MAP2K5: variants seen among roughly 807,000 people sequenced by gnomAD.
MAP2K5 encodes the protein mitogen-activated protein kinase kinase 5.
MAP2K5 carries 49 observed loss-of-function variants against 83.1 expected under a neutral mutation model. That is an observed-to-expected ratio of 0.59 (90% CI 0.47 to 0.75). The LOEUF is 0.75. Among genes scored for constraint, MAP2K5 ranks in the 30% least tolerant of loss-of-function variants. The pLI, the probability that MAP2K5 is intolerant of heterozygous loss-of-function variation, is 0.00. For missense variants in MAP2K5, 457 were observed against 557.5 expected, an observed-to-expected ratio of 0.82 and a Z score of 1.82; for synonymous variants, 202 against 191.8, an observed-to-expected ratio of 1.05 and a Z score of -0.44.
chr15:67,756,202 A>G (rs1401030864), intron 19 of MAP2K5, among the ~76,000 whole-genome samples: 3 of 152,110 alleles, frequency 2.0e-5, no homozygotes, highest in Admixed American at 2.0e-4. Flanking sequence ...ACTCTAGGAT[A>G]AACCACCTGT....
intron 4 of MAP2K5, 42 bp downstream of exon 4, chr15:67,580,865 A>C: frequency 7.9e-7 from 1 of 1,269,142 alleles, no homozygotes; most frequent in Non-Finnish European, 1.2e-6. Flanking sequence ...TTATTTCAGT[A>C]AACTGTTTCA....
In MAP2K5 at chr15:67,770,908, A is replaced by G. The variant is rs1003942935; in HGVS notation, c.1196+1245A>G. On this transcript the variant is annotated intron_variant, in intron 20 of 21. Transcript: ENST00000178640. This position sits in a 1 kb window ranked among gnomAD's most constrained non-coding sequence, Gnocchi z 5.0. ...AAAAAATTTTATTAACACTGTTTCT[A>G]TTTATTTAAAATACTTATATAATAT... is the stretch of plus-strand genomic sequence containing the variant. Among the ~76,000 whole-genome samples the G allele has an allele frequency of 1.3e-4, 20 of 152,278 alleles. No homozygotes were observed. Among genetic ancestry groups the G allele is most frequent in the African/African-American group, 4.6e-4 (19 of 41,558 alleles).
At chr15:67,658,420 AG>A in intron 11 of MAP2K5, 132 bp from the exon 12 acceptor site, 1 of 652,940 alleles carries the variant, frequency 1.5e-6, no homozygotes, top group Non-Finnish European at 2.7e-6. Context: ...TGGACTAAAA[AG>A]TTTTATACTA....
At chr15:67,627,375 A>G (rs1262247554) in intron 8 of MAP2K5, among the ~76,000 whole-genome samples, 1 of 152,174 alleles carries the variant, frequency 6.6e-6, no homozygotes, top group African/African-American at 2.4e-5. Flanking sequence ...GGTTTTTGTA[A>G]TCTTGCTTTT....
rs966002502 is a variant in MAP2K5 at position 67,802,686 on chromosome 15, G to A, written c.1243-3960G>A. 2.6e-5 allele frequency among the ~76,000 whole-genome samples: 4 copies of A among 152,248 alleles called. No homozygotes were observed. The highest frequency in any genetic ancestry group is 9.6e-5 in the African/African-American group (4 of 41,468). ...GTGCTAACATGCTTTCCGCGTGAAG[G>A]ACGGAGGCCTAGATGCCTGGGGCGG... On this transcript the variant is annotated intron_variant, in intron 21 of 21. Transcript: ENST00000178640. The surrounding 1 kb of genome is among the most constrained non-coding windows in gnomAD (Gnocchi z 5.0).
intron 7 of MAP2K5, among the ~76,000 whole-genome samples, chr15:67,595,590 G>GA (rs1302271917): frequency 3.3e-5 from 5 of 151,932 alleles, no homozygotes; most frequent in Admixed American, 3.3e-4. Context: ...ATCCATAATT[G>GA]AATTCCATTT....
intron 13 of MAP2K5, among the ~76,000 whole-genome samples, chr15:67,681,479 C>A (rs1282448948): frequency 2.0e-5 from 3 of 152,178 alleles, no homozygotes; most frequent in African/African-American, 7.2e-5. Flanking sequence ...CCACAGGAAT[C>A]TATTTTGATG....
At chr15:67,696,035 G>T (rs536589480) in intron 15 of MAP2K5, among the ~76,000 whole-genome samples, 2 of 151,956 alleles carry the variant, frequency 1.3e-5, no homozygotes, top group East Asian at 1.9e-4. Context: ...GGTTGGGGGT[G>T]GGGGGAGGTG....
intron 7 of MAP2K5, 128 bp from the exon 8 acceptor site, chr15:67,600,557 C>A: frequency 1.5e-6 from 1 of 677,724 alleles, no homozygotes; most frequent in Non-Finnish European, 2.6e-6. Flanking sequence ...TTGTATTGAT[C>A]TTCTCGTTTT....
chr15:67,658,564 G>A lies in MAP2K5; in HGVS notation c.748G>A (p.Asp250Asn). 1.2e-6 allele frequency: 2 copies of A among 1,611,996 alleles called. No homozygotes were observed. Among genetic ancestry groups the A allele is most frequent in the East Asian group, 4.5e-5 (2 of 44,814 alleles). The change falls in exon 12 of 22, where the codon GAT becomes AAT. Residue 250 changes from aspartate (D) to asparagine (N), a missense_variant. Physicochemically the swap from Asp to Asn is conservative, Grantham distance 23 (BLOSUM62 1). Coordinates refer to ENST00000178640, the MANE Select transcript of MAP2K5 (RefSeq NM_145160.3). The stretch of plus-strand genomic sequence containing the variant: ...GTTTATCTCTACAGGGGGATCTTTG[G>A]ATGTATATAGGAAAATGCCAGAACA... ...CTEFMDGGSL[D>N]VYRKMPEHVL...
chr15:67,775,670 G>A lies in MAP2K5; in HGVS notation c.1242+2918G>A, dbSNP rs1038694631. On this transcript the variant is annotated intron_variant, in intron 21 of 21. Coordinates refer to ENST00000178640, the MANE Select transcript of MAP2K5 (RefSeq NM_145160.3). The surrounding 1 kb of genome is among the most constrained non-coding windows in gnomAD (Gnocchi z 5.3). Reference sequence around the variant, plus strand: ...GTATAAAAGAACTGCAGGGTTCTGTGGAGATCCATCTGGGGAAATGAGGAA... The same window carrying A: ...GTATAAAAGAACTGCAGGGTTCTGTAGAGATCCATCTGGGGAAATGAGGAA... 6.6e-6 allele frequency among the ~76,000 whole-genome samples: 1 copy of A among 152,206 alleles called. No individual in the cohort carries two copies. The highest frequency in any genetic ancestry group is 1.5e-5 in the Non-Finnish European group (1 of 68,042).
intron 8 of MAP2K5, chr15:67,627,801 G>A (rs773139016): frequency 8.2e-5 from 29 of 352,854 alleles, no homozygotes; most frequent in African/African-American, 5.5e-4. Context: ...CTTTCTGCTC[G>A]TGGACGCCAC....
intron 16 of MAP2K5, among the ~76,000 whole-genome samples, chr15:67,710,535 G>A (rs1333513085): frequency 2.0e-4 from 25 of 124,046 alleles, no homozygotes; most frequent in Admixed American, 1.7e-3. Context: ...ATAGAGTCTC[G>A]CTCTGTCACC....
Position 67,543,340 on chromosome 15 carries a change from T to A in MAP2K5, c.5T>A (p.Leu2Gln), listed in dbSNP as rs1006122408. M[L>Q]WLALGPFPAM... ...TGTGAGCCTCTTTAACCTGTAATGC[T>A]GTGGCTAGCCCTTGGCCCCTTTCCT... Residue 2 changes from leucine to glutamine, a missense_variant, in exon 1 of 22, where the codon CTG (leucine) becomes CAG (glutamine). Leu to Gln is a moderately radical substitution (Grantham distance 113, BLOSUM62 -2). Around this residue, in one of 3 missense-constraint regions of MAP2K5, gnomAD observed 234 missense variants for 243.6 expected, o/e 0.96. Coordinates refer to ENST00000178640, the MANE Select transcript of MAP2K5 (RefSeq NM_145160.3). This position sits in a 1 kb window ranked among gnomAD's most constrained non-coding sequence, Gnocchi z 4.3. 1 of 1,614,092 alleles carries A rather than the reference T, an allele frequency of 6.2e-7. No homozygotes were observed. Among genetic ancestry groups the A allele is most frequent in the African/African-American group, 1.3e-5 (1 of 74,938 alleles).
Position 67,708,926 on chromosome 15 carries a change from T to C in MAP2K5, c.1044+5518T>C, listed in dbSNP as rs111240932. 0.017 allele frequency among the ~76,000 whole-genome samples: 2,619 copies of C among 152,220 alleles called. 89 individuals carry two copies. Among genetic ancestry groups the C allele is most frequent in the African/African-American group, 0.06 (2,501 of 41,536 alleles). On this transcript the variant is annotated intron_variant, in intron 16 of 21. Transcript: ENST00000178640. The surrounding 1 kb of genome is among the most constrained non-coding windows in gnomAD (Gnocchi z 4.9). ...TTTCAGTACAGTATCCCTCTGTTGG[T>C]GGGGTAAAGGACATCTCTTCCAGGT...
Position 67,577,989 on chromosome 15 carries a change from G to A in MAP2K5, c.253-2765G>A, listed in dbSNP as rs2085098945. Among the ~76,000 whole-genome samples, 2 of 152,112 alleles carry A rather than the reference G, an allele frequency of 1.3e-5. No individual in the cohort carries two copies. The highest frequency in any genetic ancestry group is 1.3e-4 in the Admixed American group (2 of 15,272). ...TACTCTAGCCTGGGTGACAGAGCAA[G>A]ACTCTGTCTCAAAAAAAAAGAAAAC... On this transcript the variant is annotated intron_variant, in intron 3 of 21. Transcript: ENST00000178640. This position sits in a 1 kb window ranked among gnomAD's most constrained non-coding sequence, Gnocchi z 4.1.
rs1165725500 is a variant in MAP2K5 at position 67,636,778 on chromosome 15, A to G, written c.585+5851A>G. Among the ~76,000 whole-genome samples the G allele has an allele frequency of 6.6e-6, 1 of 152,176 alleles. No individual in the cohort carries two copies. The highest frequency in any genetic ancestry group is 2.4e-5 in the African/African-American group (1 of 41,436). ...TTAACTCGATTGGGTTGAAGGATGC[A>G]AAGTATTGTTTCGGGGTGTGTCTGT... is the stretch of plus-strand genomic sequence containing the variant. On this transcript the variant is annotated intron_variant, in intron 9 of 21. Transcript: ENST00000178640. The surrounding 1 kb of genome is among the most constrained non-coding windows in gnomAD (Gnocchi z 4.7).
intron 15 of MAP2K5, among the ~76,000 whole-genome samples, chr15:67,699,360 C>A (rs753484465): frequency 1.3e-5 from 2 of 152,088 alleles, no homozygotes; most frequent in Non-Finnish European, 2.9e-5. Context: ...TTTTCTGTTC[C>A]CTGCTAGAAG....
intron 8 of MAP2K5, chr15:67,627,851 A>G: frequency 3.7e-6 from 2 of 544,424 alleles, no homozygotes; most frequent in South Asian, 2.1e-5. Flanking sequence ...CCCTGCTGTC[A>G]TGTCTAAGTC....
Sources: gnomAD v4.1 joint callset for allele counts (sites outside exome capture counted in the v4.1 genomes callset) on GRCh38, gnomAD v4.1.1 for gene constraint, gnomAD v4.1.1 regional missense constraint, Gnocchi (gnomAD v3.1) non-coding constraint, MANE v1.5 for transcripts, NCBI Gene and HGNC (gene_info 2026-07-23, HGNC 2026-07-21) for gene names.